PTPRD: variants seen among roughly 807,000 people sequenced by gnomAD.
PTPRD encodes receptor-type tyrosine-protein phosphatase delta.
In PTPRD, 34 loss-of-function variants were observed where a neutral mutation model predicts 214.5. The observed-to-expected ratio is 0.16, with a 90% CI of 0.12 to 0.21. The LOEUF is 0.21. PTPRD is among the 10% of genes least tolerant of loss of function. The pLI is 1.00. For synonymous variants in PTPRD, 1,128 were observed against 845.7 expected (o/e 1.33, Z -5.79); for missense variants, 2,545 against 2,398.7 (o/e 1.06, Z -1.27).
chr9:9,732,181 C>T (rs905680825), intron 7 of PTPRD, among the ~76,000 whole-genome samples: 1 of 151,832 alleles, frequency 6.6e-6, no homozygotes, highest in Non-Finnish European at 1.5e-5. Flanking sequence ...GATGGTGGGG[C>T]TTGTAAAGGG....
At chr9:9,803,771 C>T (rs1406961463) in intron 5 of PTPRD, 2 of 151,774 alleles carry the variant, frequency 1.3e-5, no homozygotes, top group Admixed American at 1.3e-4. Flanking sequence ...AAGGTAAAAA[C>T]ATAACAAATC....
chr9:8,948,869 A>G (rs114320368), intron 11 of PTPRD, among the ~76,000 whole-genome samples: 2,470 of 151,794 alleles, frequency 0.016, 72 homozygotes, highest in African/African-American at 0.057. Flanking sequence ...GCCACAGAAG[A>G]TTGACTAGAC....
chr9:9,716,461 G>T (rs1203453899), intron 7 of PTPRD, among the ~76,000 whole-genome samples: 1 of 151,858 alleles, frequency 6.6e-6, no homozygotes. Context: ...CTAGTTTACA[G>T]TCCCACCAAC....
chr9:8,750,365 C>T (rs2093395236), intron 11 of PTPRD, among the ~76,000 whole-genome samples: 1 of 151,882 alleles, frequency 6.6e-6, no homozygotes, highest in Non-Finnish European at 1.5e-5. Context: ...ACCAAGTTGG[C>T]CAGGCTGGTC....
chr9:8,527,120 G>C (rs1454234871), intron 16 of PTPRD, among the ~76,000 whole-genome samples: 1 of 151,370 alleles, frequency 6.6e-6, no homozygotes, highest in Non-Finnish European at 1.5e-5. Context: ...TATACTACTT[G>C]CTATGCTACA....
chr9:8,339,572 A>C (rs555975066), intron 42 of PTPRD, among the ~76,000 whole-genome samples: 1 of 152,104 alleles, frequency 6.6e-6, no homozygotes. Context: ...CTGCAGAGTC[A>C]TTGGCCAAAT....
intron 40 of PTPRD, 48 bp downstream of exon 40, chr9:8,341,645 C>A (rs2132476008): frequency 1.3e-6 from 2 of 1,592,702 alleles, no homozygotes; most frequent in Non-Finnish European, 1.7e-6. Context: ...CAAAGACAAA[C>A]CCAGAATGAC....
intron 2 of PTPRD, among the ~76,000 whole-genome samples, chr9:10,436,560 A>T (rs545745732): frequency 6.6e-6 from 1 of 151,674 alleles, no homozygotes; most frequent in African/African-American, 2.4e-5. Flanking sequence ...ATTATATAAA[A>T]TGCACGTATT....
intron 5 of PTPRD, among the ~76,000 whole-genome samples, chr9:9,898,761 C>G (rs2075680789): frequency 6.6e-6 from 1 of 152,056 alleles, no homozygotes; most frequent in African/African-American, 2.4e-5. Flanking sequence ...TTCCACTTGA[C>G]TAATGTTCTA....
At chr9:9,331,072 C>G (rs144870907) in intron 9 of PTPRD, among the ~76,000 whole-genome samples, 2 of 152,060 alleles carry the variant, frequency 1.3e-5, no homozygotes, top group African/African-American at 2.4e-5. Context: ...AACATGAAGA[C>G]CTGCAGTTGG....
intron 11 of PTPRD, among the ~76,000 whole-genome samples, chr9:8,832,312 C>T (rs2097311167): frequency 6.6e-6 from 1 of 151,264 alleles, no homozygotes; most frequent in Non-Finnish European, 1.5e-5. Context: ...ATGAAGAAAA[C>T]AGTGAAGACT....
chr9:9,124,421 A>G (rs184851478), intron 10 of PTPRD, among the ~76,000 whole-genome samples: 47 of 152,300 alleles, frequency 3.1e-4, no homozygotes, highest in African/African-American at 1.1e-3. Context: ...CATATAATCA[A>G]TATATTTACT....
chr9:9,182,797 A>G (rs1036160229), intron 10 of PTPRD, among the ~76,000 whole-genome samples: 2 of 152,042 alleles, frequency 1.3e-5, no homozygotes, highest in Non-Finnish European at 2.9e-5. Flanking sequence ...TTTAACAAAG[A>G]TTAGACTTTA....
intron 8 of PTPRD, among the ~76,000 whole-genome samples, chr9:9,487,899 T>A (rs766255249): frequency 2.6e-5 from 4 of 152,132 alleles, no homozygotes; most frequent in Non-Finnish European, 5.9e-5. Flanking sequence ...ATGTGGAAAA[T>A]GCACATGTAC....
chr9:8,649,262 G>A (rs1341167495), intron 12 of PTPRD, among the ~76,000 whole-genome samples: 1 of 152,210 alleles, frequency 6.6e-6, no homozygotes, highest in African/African-American at 2.4e-5. Context: ...GAGAAGATCT[G>A]CTGGTGTCAC....
At chr9:8,529,641 A>C (rs905923309) in intron 14 of PTPRD, among the ~76,000 whole-genome samples, 1 of 152,152 alleles carries the variant, frequency 6.6e-6, no homozygotes, top group Non-Finnish European at 1.5e-5. Flanking sequence ...AAATCACTTA[A>C]ATCCCACAAT....
chr9:9,954,638 T>C (rs1443302193), intron 4 of PTPRD, among the ~76,000 whole-genome samples: 1 of 152,088 alleles, frequency 6.6e-6, no homozygotes. Context: ...TCTTTTAGAA[T>C]ACTATAATAG....
intron 44 of PTPRD, among the ~76,000 whole-genome samples, chr9:8,324,043 C>T (rs1831068960): frequency 1.3e-5 from 2 of 151,966 alleles, no homozygotes; most frequent in Non-Finnish European, 1.5e-5. Flanking sequence ...AAAATAGAGG[C>T]AAGACCCTCA....
At chr9:9,322,174 G>C (rs1289021899) in intron 9 of PTPRD, among the ~76,000 whole-genome samples, 1 of 152,110 alleles carries the variant, frequency 6.6e-6, no homozygotes, top group Non-Finnish European at 1.5e-5. Context: ...TTAAAGTATT[G>C]TAGCTTAAAG....
Sources: allele counts gnomAD v4.1 joint callset (sites outside exome capture counted in the v4.1 genomes callset), GRCh38; gene constraint gnomAD v4.1.1; transcripts MANE v1.5; gene names NCBI Gene and HGNC (gene_info 2026-07-23, HGNC 2026-07-21).